SLC9A4: variants seen among roughly 807,000 people sequenced by gnomAD.
SLC9A4 encodes solute carrier family 9 member A4, also known as sodium/hydrogen exchanger 4.
In SLC9A4, 63 loss-of-function variants were observed where a neutral mutation model predicts 67.4. The ratio of observed to expected loss-of-function variants is 0.93; its 90% CI spans 0.76 to 1.15. The LOEUF is 1.15. Among genes scored for constraint, SLC9A4 ranks in the 50% most tolerant of loss-of-function variants. The pLI, the probability that SLC9A4 is intolerant of heterozygous loss-of-function variation, is 0.00. For missense variants in SLC9A4, 1,089 were observed against 987.7 expected (o/e 1.10, Z -1.38); for synonymous variants, 393 against 367.2 (o/e 1.07, Z -0.80).
At chr2:102,474,126 C>A in intron 1 of SLC9A4, 111 bp downstream of exon 1, 2 of 1,284,794 alleles carry the variant, frequency 1.6e-6, no homozygotes, top group Non-Finnish European at 2.1e-6. Flanking sequence ...ACTGCTATTA[C>A]ATTAAAAATT....
At chr2:102,491,266 T>C (rs1274903392) in intron 2 of SLC9A4, among the ~76,000 whole-genome samples, 1 of 147,708 alleles carries the variant, frequency 6.8e-6, no homozygotes, top group Non-Finnish European at 1.5e-5. Context: ...GCTCACACTC[T>C]GCTGCTTTTT....
chr2:102,529,672 A>G (rs1310168263), intron 11 of SLC9A4, among the ~76,000 whole-genome samples: 5 of 152,228 alleles, frequency 3.3e-5, no homozygotes, highest in Non-Finnish European at 7.3e-5. Context: ...TTTCTGCACC[A>G]GGAGAATGGC....
At chr2:102,507,284 G>A (rs935362047) in intron 4 of SLC9A4, among the ~76,000 whole-genome samples, 2 of 152,228 alleles carry the variant, frequency 1.3e-5, no homozygotes, top group Admixed American at 1.3e-4. Context: ...AAGTCTGTGT[G>A]ACGAGACGCA....
intron 9 of SLC9A4, among the ~76,000 whole-genome samples, chr2:102,522,904 GAGA>G (rs992682160): frequency 6.6e-6 from 1 of 152,064 alleles, no homozygotes; most frequent in African/African-American, 2.4e-5. Flanking sequence ...CTTCCATTGG[GAGA>G]AGGAGAAAGT....
At chr2:102,502,049 C>T (rs1684952945) in intron 2 of SLC9A4, among the ~76,000 whole-genome samples, 2 of 152,068 alleles carry the variant, frequency 1.3e-5, no homozygotes, top group Non-Finnish European at 2.9e-5. Context: ...TTTTAGCTTC[C>T]GTCCTCTGCT....
At chr2:102,490,409 G>C (rs1172195423) in intron 2 of SLC9A4, among the ~76,000 whole-genome samples, 1 of 152,210 alleles carries the variant, frequency 6.6e-6, no homozygotes, top group African/African-American at 2.4e-5. Context: ...TTGCCTTGCA[G>C]GCAGCTACCT....
intron 1 of SLC9A4, among the ~76,000 whole-genome samples, chr2:102,474,832 T>G (rs1423467374): frequency 1.3e-5 from 2 of 152,226 alleles, no homozygotes; most frequent in African/African-American, 2.4e-5. Flanking sequence ...AGCTATAAAC[T>G]TTATGCTATT....
intron 1 of SLC9A4, among the ~76,000 whole-genome samples, chr2:102,475,166 T>G (rs922877772): frequency 6.6e-6 from 1 of 152,376 alleles, no homozygotes. Flanking sequence ...GATCTTACTA[T>G]ATTTTTAAGA....
At chr2:102,500,052 G>T (rs1305176659) in intron 2 of SLC9A4, among the ~76,000 whole-genome samples, 1 of 152,206 alleles carries the variant, frequency 6.6e-6, no homozygotes, top group African/African-American at 2.4e-5. Flanking sequence ...TGGAACTGCA[G>T]GATAGGATCG....
In SLC9A4 at chr2:102,519,882, A is replaced by C; in HGVS notation, c.1745A>C (p.Lys582Thr). The C allele has an allele frequency of 6.2e-7, 1 of 1,613,834 alleles. No homozygotes were observed. The highest frequency in any genetic ancestry group is 2.2e-5 in the East Asian group (1 of 44,864). Reference sequence around the variant, plus strand: ...AGGGCCCAGAGGATACAAGGAATCAAAAGACTTTCCCCTGAAGATGTGGAG... The same window carrying C: ...AGGGCCCAGAGGATACAAGGAATCACAAGACTTTCCCCTGAAGATGTGGAG... The part of the protein sequence containing the change: ...PHQAQRIQGI[K>T]RLSPEDVESI... Residue 582 changes from lysine to threonine, a missense_variant, in exon 9 of 12, where the codon AAA (lysine) becomes ACA (threonine). Coordinates refer to ENST00000295269, the MANE Select transcript of SLC9A4 (RefSeq NM_001011552.4).
At chr2:102,531,881 A>T (rs1170116554) in intron 11 of SLC9A4, among the ~76,000 whole-genome samples, 1 of 152,166 alleles carries the variant, frequency 6.6e-6, no homozygotes, top group East Asian at 1.9e-4. Flanking sequence ...AAAGATTGGA[A>T]CTCAGATGTA....
chr2:102,487,497 C>A (rs955361525), intron 2 of SLC9A4, among the ~76,000 whole-genome samples: 1 of 152,132 alleles, frequency 6.6e-6, no homozygotes, highest in African/African-American at 2.4e-5. Flanking sequence ...GGGGTGTGGG[C>A]TAATCCTTGG....
intron 2 of SLC9A4, among the ~76,000 whole-genome samples, chr2:102,493,468 G>C (rs1442509082): frequency 6.6e-6 from 1 of 151,896 alleles, no homozygotes; most frequent in African/African-American, 2.4e-5. Context: ...TGGCAGGCAA[G>C]AGAGCATGTA....
At chr2:102,507,888 A>G (rs1252333645) in intron 4 of SLC9A4, among the ~76,000 whole-genome samples, 191 bp from the exon 5 acceptor site, 2 of 152,196 alleles carry the variant, frequency 1.3e-5, no homozygotes, top group Non-Finnish European at 2.9e-5. Context: ...TCCCACTTGA[A>G]GTGCTACTGT....
chr2:102,501,131 T>G (rs969926001), intron 2 of SLC9A4, among the ~76,000 whole-genome samples: 1 of 151,550 alleles, frequency 6.6e-6, no homozygotes, highest in Non-Finnish European at 1.5e-5. Flanking sequence ...GCTAATTTTT[T>G]TTTTTCAAGA....
intron 11 of SLC9A4, among the ~76,000 whole-genome samples, chr2:102,529,750 C>T (rs575387144): frequency 6.6e-6 from 1 of 152,152 alleles, no homozygotes; most frequent in African/African-American, 2.4e-5. Context: ...GCTAACCCAC[C>T]TGAAACTTGG....
intron 2 of SLC9A4, among the ~76,000 whole-genome samples, chr2:102,500,110 G>A (rs532527900): frequency 2.4e-4 from 36 of 152,282 alleles, no homozygotes; most frequent in African/African-American, 4.8e-4. Context: ...AGGCGAGCTC[G>A]CACTGGACTA....
intron 6 of SLC9A4, among the ~76,000 whole-genome samples, chr2:102,510,137 G>A (rs1257509594): frequency 2.0e-5 from 3 of 151,944 alleles, no homozygotes; most frequent in African/African-American, 7.3e-5. Flanking sequence ...CCAAGCTGGT[G>A]ATGTTTCCAT....
Position 102,533,614 on chromosome 2 carries a change from G to T in SLC9A4, c.*926G>T, listed in dbSNP as rs1262312980. 6.7e-6 allele frequency: 1 copy of T among 150,194 alleles called. No individual in the cohort carries two copies. 9.3% of individuals were successfully genotyped at this position (150,194 alleles called of 1,614,324 possible). A position where few individuals can be genotyped will look rare whatever the true frequency, so the allele number is the denominator to read the frequency against. ...CCCGCTAACTCGTCATCTAGCATTA[G>T]GTGTATCTCCCAATGCTATCCCTCC... On this transcript the variant is annotated 3_prime_UTR_variant, in exon 12 of 12. Coordinates refer to ENST00000295269, the MANE Select transcript of SLC9A4 (RefSeq NM_001011552.4).
Sources: gnomAD v4.1 joint callset for allele counts (sites outside exome capture counted in the v4.1 genomes callset) on GRCh38, gnomAD v4.1.1 for gene constraint, MANE v1.5 for transcripts, NCBI Gene and HGNC (gene_info 2026-07-23, HGNC 2026-07-21) for gene names.